The following LINGO2 variants were observed in gnomAD, a reference collection of about 807,000 sequenced individuals.
The protein encoded by LINGO2 is leucine-rich repeat and immunoglobulin-like domain-containing nogo receptor-interacting protein 2.
In LINGO2, 14 loss-of-function variants were observed where a neutral mutation model predicts 30.6. That is an observed-to-expected ratio of 0.46 (90% CI 0.30 to 0.72). LINGO2 has a LOEUF of 0.72. Ranked by LOEUF, LINGO2 falls within the 30% of genes least tolerant of loss-of-function variation. The pLI is 0.07. For missense variants in LINGO2, 729 were observed against 751.7 expected, an observed-to-expected ratio of 0.97 and a Z score of 0.35; for synonymous variants, 317 against 288.5, an observed-to-expected ratio of 1.10 and a Z score of -1.00.
At chr9:27,952,753 T>C (rs111328069) in intron 5 of LINGO2, among the ~76,000 whole-genome samples, 1 of 152,090 alleles carries the variant, frequency 6.6e-6, no homozygotes, top group African/African-American at 2.4e-5. Flanking sequence ...AAATTCCAGA[T>C]GAATTAAGGA....
the LINGO2 span, among the ~76,000 whole-genome samples, chr9:29,181,568 T>C: frequency 6.6e-6 from 1 of 152,176 alleles, no homozygotes; most frequent in Non-Finnish European, 1.5e-5. Context: ...CAAAACAAGT[T>C]GAAAGGATTC....
chr9:28,385,639 A>G (rs960409045), intron 2 of LINGO2, among the ~76,000 whole-genome samples: 4 of 152,174 alleles, frequency 2.6e-5, no homozygotes, highest in Admixed American at 2.6e-4. Flanking sequence ...TATTCAAAAC[A>G]TAAACTTGCC....
chr9:28,292,687 C>T (rs1823774522), intron 4 of LINGO2, among the ~76,000 whole-genome samples: 1 of 152,214 alleles, frequency 6.6e-6, no homozygotes. Context: ...TTGTCTCGAA[C>T]TCCTGATCTC....
the LINGO2 span, among the ~76,000 whole-genome samples, chr9:29,140,044 T>A: frequency 6.6e-6 from 1 of 152,132 alleles, no homozygotes; most frequent in Non-Finnish European, 1.5e-5. Flanking sequence ...CAGAAAAGGT[T>A]TGGGAAGCCC....
chr9:28,478,888 T>A (rs1314685335), intron 1 of LINGO2, among the ~76,000 whole-genome samples: 1 of 152,104 alleles, frequency 6.6e-6, no homozygotes, highest in East Asian at 1.9e-4. Context: ...AATTTTGTAA[T>A]TGACCAATAT....
chr9:29,058,255 A>G, the LINGO2 span, among the ~76,000 whole-genome samples: 1 of 152,138 alleles, frequency 6.6e-6, no homozygotes, highest in Non-Finnish European at 1.5e-5. Flanking sequence ...AGAGAATTGA[A>G]AAATGTAAAA....
intron 4 of LINGO2, among the ~76,000 whole-genome samples, chr9:28,257,528 A>C (rs183008695): frequency 2.6e-5 from 4 of 152,102 alleles, no homozygotes; most frequent in Admixed American, 2.0e-4. Flanking sequence ...GAAAACAAAC[A>C]AACCTTGGTT....
intron 4 of LINGO2, among the ~76,000 whole-genome samples, chr9:28,019,177 C>A (rs1353017409): frequency 6.6e-6 from 1 of 152,014 alleles, no homozygotes; most frequent in Non-Finnish European, 1.5e-5. Flanking sequence ...GGGTACTATG[C>A]TTTTACCTGA....
intron 2 of LINGO2, among the ~76,000 whole-genome samples, chr9:28,421,148 A>G (rs189390882): frequency 2.5e-4 from 38 of 152,126 alleles, no homozygotes; most frequent in Admixed American, 7.9e-4. Context: ...AAATTAACAC[A>G]GTTGCATTTG....
At chr9:29,119,274 T>G in the LINGO2 span, among the ~76,000 whole-genome samples, 1 of 152,102 alleles carries the variant, frequency 6.6e-6, no homozygotes, top group Non-Finnish European at 1.5e-5. Context: ...TGGAAGAAAT[T>G]ATTTGCAAAC....
the LINGO2 span, among the ~76,000 whole-genome samples, chr9:28,727,240 A>G: frequency 6.6e-6 from 1 of 152,126 alleles, no homozygotes; most frequent in Non-Finnish European, 1.5e-5. Flanking sequence ...GAATAGCGTT[A>G]AAGTACCTGT....
chr9:28,367,517 C>T (rs1820724491), intron 3 of LINGO2, among the ~76,000 whole-genome samples: 1 of 151,852 alleles, frequency 6.6e-6, no homozygotes. Context: ...TCCTGGGGGC[C>T]ATTTTCTCTT....
intron 4 of LINGO2, among the ~76,000 whole-genome samples, chr9:28,036,239 T>C (rs1823929349): frequency 1.3e-5 from 2 of 152,206 alleles, no homozygotes; most frequent in South Asian, 2.1e-4. Context: ...CCCATCATCA[T>C]GTAGAAATGT....
intron 2 of LINGO2, among the ~76,000 whole-genome samples, chr9:28,385,858 G>C (rs774995406): frequency 6.6e-6 from 1 of 152,206 alleles, no homozygotes; most frequent in East Asian, 1.9e-4. Context: ...TATTAGGGAA[G>C]CTGGTATATC....
the LINGO2 span, among the ~76,000 whole-genome samples, chr9:28,675,928 T>TATATATATATAC: frequency 7.4e-6 from 1 of 135,680 alleles, no homozygotes; most frequent in Non-Finnish European, 1.6e-5. Context: ...TATATATACA[T>TATATATATATAC]ACACACACAC....
the LINGO2 span, among the ~76,000 whole-genome samples, chr9:29,168,613 T>G: frequency 6.6e-6 from 1 of 152,238 alleles, no homozygotes; most frequent in Non-Finnish European, 1.5e-5. Flanking sequence ...TTTCTCTCTT[T>G]TTATTTTGGA....
chr9:28,663,181 G>A (rs1002125556), intron 1 of LINGO2, among the ~76,000 whole-genome samples: 4 of 151,844 alleles, frequency 2.6e-5, no homozygotes, highest in African/African-American at 9.7e-5. Context: ...TTTTGTTGTT[G>A]TTGGTGGGGA....
At chr9:29,076,946 T>C in the LINGO2 span, among the ~76,000 whole-genome samples, 3 of 152,122 alleles carry the variant, frequency 2.0e-5, no homozygotes, top group African/African-American at 4.8e-5. Context: ...CCAAGCTGAA[T>C]AGCCTTTGCT....
At chr9:27,990,808 T>C (rs1453537177) in intron 5 of LINGO2, among the ~76,000 whole-genome samples, 1 of 152,064 alleles carries the variant, frequency 6.6e-6, no homozygotes, top group Non-Finnish European at 1.5e-5. Flanking sequence ...TCAAGGGCTT[T>C]GCTCCCTGTA....
Sources: allele counts gnomAD v4.1 joint callset (sites outside exome capture counted in the v4.1 genomes callset), GRCh38; gene constraint gnomAD v4.1.1; transcripts MANE v1.5; gene names NCBI Gene and HGNC (gene_info 2026-07-23, HGNC 2026-07-21).